Variants in PKN2 observed in about 807,000 individuals in gnomAD.
The protein encoded by PKN2 is serine/threonine-protein kinase N2.
A neutral mutation model predicts 119.1 loss-of-function variants in PKN2; 38 were observed. The ratio of observed to expected loss-of-function variants is 0.32; its 90% CI spans 0.25 to 0.42. The LOEUF (loss-of-function observed/expected upper bound fraction) is 0.42, where lower values mean the gene tolerates loss of function less well. PKN2 is among the 10% of genes least tolerant of loss of function. PKN2 has a pLI of 1.00. For missense variants in PKN2, 850 were observed against 1,165.1 expected (o/e 0.73, Z 3.94); for synonymous variants, 390 against 384.9 (o/e 1.01, Z -0.15).
At chr1:88,727,322 G>A (rs1667940455) in intron 1 of PKN2, among the ~76,000 whole-genome samples, 1 of 151,386 alleles carries the variant, frequency 6.6e-6, no homozygotes, top group South Asian at 2.1e-4. Flanking sequence ...CATTCCTTTA[G>A]GTAACATATG....
At chr1:88,749,290 T>C (rs915472609) in intron 2 of PKN2, among the ~76,000 whole-genome samples, 1 of 152,018 alleles carries the variant, frequency 6.6e-6, no homozygotes, top group East Asian at 1.9e-4. Context: ...AGGTTGCTTG[T>C]TTTACCTTAA....
At chr1:88,818,399 G>A (rs1318285238) in intron 16 of PKN2, among the ~76,000 whole-genome samples, 1 of 152,182 alleles carries the variant, frequency 6.6e-6, no homozygotes, top group Non-Finnish European at 1.5e-5. Flanking sequence ...TGTAATCCCA[G>A]CACTTTGGGA....
In PKN2 at chr1:88,733,621, CTA is replaced by C. The variant is rs201174841; in HGVS notation, c.49-7365_49-7364del. On this transcript the variant is annotated intron_variant, in intron 1 of 21. Transcript: ENST00000370521. ...TAGTTTGTAAATGTGTTCTCCCAGT[CTA>C]TGACTGGCATCCTTGCTCTGTTGAT... 3.8e-3 allele frequency among the ~76,000 whole-genome samples: 578 copies of C among 152,270 alleles called. 8 individuals carry two copies. Among genetic ancestry groups the C allele is most frequent in the Admixed American group, 0.033 (498 of 15,286 alleles).
chr1:88,736,451 C>T (rs1185975620), intron 1 of PKN2, among the ~76,000 whole-genome samples: 2 of 151,940 alleles, frequency 1.3e-5, no homozygotes, highest in Non-Finnish European at 2.9e-5. Flanking sequence ...GCAGCCTCTG[C>T]CTCTCAGGTT....
At chr1:88,768,725 C>T (rs1021991208) in intron 3 of PKN2, among the ~76,000 whole-genome samples, 5 of 152,174 alleles carry the variant, frequency 3.3e-5, no homozygotes, top group African/African-American at 1.2e-4. Context: ...TTCAGTGTTA[C>T]TGGAACTAAG....
intron 10 of PKN2, 39 bp from the exon 11 acceptor site, chr1:88,805,458 G>C: frequency 1.3e-6 from 2 of 1,490,450 alleles, no homozygotes; most frequent in Non-Finnish European, 1.8e-6. Flanking sequence ...TATACATAAA[G>C]AAATTACTTG....
chr1:88,799,257 A>G (rs183800683), intron 8 of PKN2, among the ~76,000 whole-genome samples: 1 of 152,302 alleles, frequency 6.6e-6, no homozygotes, highest in Admixed American at 6.5e-5. Flanking sequence ...TGCCAAGATC[A>G]TGGCCTTAAT....
In PKN2 at chr1:88,822,388, G is replaced by C. The variant is rs951743193; in HGVS notation, c.2342+385G>C. On this transcript the variant is annotated intron_variant, in intron 17 of 21. Coordinates refer to ENST00000370521, the MANE Select transcript of PKN2 (RefSeq NM_006256.4). ...GTGTTAGAGTGTAAAACATCACACTGCTTCCCTCATTAAGAAGCCTTATTG... is the reference window on the plus strand; with the variant it reads ...GTGTTAGAGTGTAAAACATCACACTCCTTCCCTCATTAAGAAGCCTTATTG... Among the ~76,000 whole-genome samples the C allele has an allele frequency of 3.3e-5, 5 of 152,086 alleles. No homozygotes were observed. In the South Asian group the frequency reaches 1.0e-3, roughly 32 times the overall value.
intron 8 of PKN2, among the ~76,000 whole-genome samples, chr1:88,789,292 T>C (rs1670710345): frequency 6.6e-6 from 1 of 152,064 alleles, no homozygotes; most frequent in Non-Finnish European, 1.5e-5. Context: ...ACAGTTGAGA[T>C]TGTGGAAGGA....
Position 88,784,814 on chromosome 1 carries a change from T to C in PKN2, c.1161T>C (p.Asp387=). 7 of 1,606,226 alleles carry C rather than the reference T, an allele frequency of 4.4e-6. No individual in the cohort carries two copies. Among genetic ancestry groups the C allele is most frequent in the Non-Finnish European group, 6.0e-6 (7 of 1,175,346 alleles). Residue 387 remains aspartate (D), a synonymous_variant, in exon 7 of 22, where the codon GAT becomes GAC. Coordinates refer to ENST00000370521, the MANE Select transcript of PKN2 (RefSeq NM_006256.4). ...SGSSRNLLKT[D]DLSNDVCAVL... is the part of the protein sequence containing the mutation. ...GTAGTCGAAATCTTCTAAAAACCGATGACTTGTCCAGTTCAGTAACCAGAT... is the reference window on the plus strand; with the variant it reads ...GTAGTCGAAATCTTCTAAAAACCGACGACTTGTCCAGTTCAGTAACCAGAT...
At chr1:88,746,872 A>G (rs1668793678) in intron 2 of PKN2, among the ~76,000 whole-genome samples, 1 of 152,156 alleles carries the variant, frequency 6.6e-6, no homozygotes, top group African/African-American at 2.4e-5. Context: ...CAACAGACAA[A>G]TGGATTTTTA....
chr1:88,772,590 A>G (rs1669940290), intron 6 of PKN2, among the ~76,000 whole-genome samples: 2 of 152,224 alleles, frequency 1.3e-5, no homozygotes, highest in South Asian at 2.1e-4. Flanking sequence ...GTCAGAGCAT[A>G]TGAGTTCTTT....
At chr1:88,784,982 A>G (rs922836433) in intron 7 of PKN2, among the ~76,000 whole-genome samples, 158 bp downstream of exon 7, 3 of 152,222 alleles carry the variant, frequency 2.0e-5, no homozygotes, top group Non-Finnish European at 4.4e-5. Flanking sequence ...CAAAAAGGCA[A>G]CAAATTCTGT....
At chr1:88,749,360 G>A (rs1385616311) in intron 2 of PKN2, among the ~76,000 whole-genome samples, 1 of 145,410 alleles carries the variant, frequency 6.9e-6, no homozygotes, top group Non-Finnish European at 1.5e-5. Context: ...AGCCGAGATC[G>A]AGCCATTGCA....
chr1:88,714,983 G>T (rs1667386254), intron 1 of PKN2, among the ~76,000 whole-genome samples: 1 of 152,134 alleles, frequency 6.6e-6, no homozygotes, highest in Non-Finnish European at 1.5e-5. Flanking sequence ...TTAGTATGAA[G>T]CGCTGTTGAA....
chr1:88,760,385 A>G lies in PKN2; in HGVS notation c.504+9A>G, dbSNP rs1315730445. 2 of 1,439,122 alleles carry G rather than the reference A, an allele frequency of 1.4e-6. No homozygotes were observed. Among genetic ancestry groups the G allele is most frequent in the Non-Finnish European group, 9.6e-7 (1 of 1,046,144 alleles). The allele number at this position is 1,439,122 out of a possible 1,614,324, so 89.1% of individuals were successfully genotyped here. On this transcript the variant is annotated intron_variant, in intron 3 of 21. Coordinates refer to ENST00000370521, the MANE Select transcript of PKN2 (RefSeq NM_006256.4). ...CAAATGGATCTTCAAAGGTAAGTGTAGTTAATAAATGTAACTATATAGTCA... is the reference window on the plus strand; with the variant it reads ...CAAATGGATCTTCAAAGGTAAGTGTGGTTAATAAATGTAACTATATAGTCA...
intron 2 of PKN2, among the ~76,000 whole-genome samples, chr1:88,753,583 C>T (rs1669085876): frequency 6.6e-6 from 1 of 151,892 alleles, no homozygotes; most frequent in Non-Finnish European, 1.5e-5. Context: ...ATGATGCTGG[C>T]ATCTGCTTGG....
intron 1 of PKN2, among the ~76,000 whole-genome samples, chr1:88,710,566 G>A (rs1667187777): frequency 1.3e-5 from 2 of 152,160 alleles, no homozygotes; most frequent in African/African-American, 4.8e-5. Flanking sequence ...CAGCATCACT[G>A]ATCATTACAG....
At chr1:88,760,194 A>C (rs1669385331) in intron 2 of PKN2, 28 bp from the exon 3 acceptor site, 1 of 1,276,820 alleles carries the variant, frequency 7.8e-7, no homozygotes, top group Non-Finnish European at 1.1e-6. Context: ...CATTCTAATA[A>C]GTAATTTTAA....
Sources: allele counts gnomAD v4.1 joint callset (sites outside exome capture counted in the v4.1 genomes callset), GRCh38; gene constraint gnomAD v4.1.1; transcripts MANE v1.5; gene names NCBI Gene and HGNC (gene_info 2026-07-23, HGNC 2026-07-21).